Variants in CDKL3 observed in about 807,000 individuals in gnomAD.
CDKL3 encodes the protein cyclin-dependent kinase-like 3.
Under a neutral mutation model 69.3 loss-of-function variants are expected in CDKL3, and 65 were observed. The ratio of observed to expected loss-of-function variants is 0.94; its 90% CI spans 0.77 to 1.15. CDKL3 has a LOEUF of 1.15. CDKL3 is among the 50% of genes most tolerant of loss of function. The probability of loss-of-function intolerance (pLI) is 0.00; values close to 1 mark genes in which losing one functional copy is unlikely to be tolerated. For missense variants in CDKL3, 652 were observed against 689.2 expected, an observed-to-expected ratio of 0.95 and a Z score of 0.61; for synonymous variants, 202 against 221.6, an observed-to-expected ratio of 0.91 and a Z score of 0.79.
At chr5:134,340,981 TA>T (rs1750339290) in intron 4 of CDKL3, among the ~76,000 whole-genome samples, 1 of 152,156 alleles carries the variant, frequency 6.6e-6, no homozygotes, top group Non-Finnish European at 1.5e-5. Context: ...TAAAAGGAAT[TA>T]TGCACTGTGA....
intron 3 of CDKL3, among the ~76,000 whole-genome samples, chr5:134,353,708 C>A (rs934453739): frequency 6.6e-6 from 1 of 151,966 alleles, no homozygotes; most frequent in Non-Finnish European, 1.5e-5. Flanking sequence ...TACGGGCATG[C>A]GCCACCATGC....
intron 8 of CDKL3, among the ~76,000 whole-genome samples, chr5:134,292,317 A>G (rs1327368513): frequency 6.6e-6 from 1 of 152,194 alleles, no homozygotes; most frequent in Admixed American, 6.5e-5. Context: ...TAACAGAAAG[A>G]TATTTGGAAC....
rs1412019244 is a variant in CDKL3, at chr5:134,298,534, T to C, written c.*117A>G. 8.8e-6 allele frequency: 13 copies of C among 1,469,612 alleles called. No individual in the cohort carries two copies. Among genetic ancestry groups the C allele is most frequent in the African/African-American group, 1.4e-5 (1 of 70,556 alleles). 91.0% of individuals were successfully genotyped at this position (1,469,612 alleles called of 1,614,324 possible). On this transcript the variant is annotated 3_prime_UTR_variant, in exon 13 of 13. Coordinates refer to ENST00000265334, the MANE Select transcript of CDKL3 (RefSeq NM_001113575.2). ...TTTGCTAACAAAAAAAGCTGGATGA[T>C]GCTCATGCACATGGATGGCTGTCTT...
chr5:134,338,389 C>A (rs906937992), intron 4 of CDKL3, among the ~76,000 whole-genome samples: 1 of 151,934 alleles, frequency 6.6e-6, no homozygotes, highest in African/African-American at 2.4e-5. Context: ...AAAGGAACAA[C>A]CCTCAAAAAT....
chr5:134,296,890 C>T (rs1422074111), downstream of CDKL3, among the ~76,000 whole-genome samples: 1 of 151,692 alleles, frequency 6.6e-6, no homozygotes, highest in African/African-American at 2.4e-5. Context: ...TAGGAATTTG[C>T]CTGACAGCTC....
intron 5 of CDKL3, 23 bp downstream of exon 5, chr5:134,321,768 C>A: frequency 8.5e-7 from 1 of 1,181,556 alleles, no homozygotes; most frequent in South Asian, 1.3e-5. Flanking sequence ...ACATGTAACT[C>A]ATGTTATTTC....
chr5:134,343,363 G>A (rs1751009708), intron 4 of CDKL3, among the ~76,000 whole-genome samples: 1 of 152,182 alleles, frequency 6.6e-6, no homozygotes, highest in Non-Finnish European at 1.5e-5. Flanking sequence ...ACTCCATCTT[G>A]CTTCTAACCT....
intron 4 of CDKL3, among the ~76,000 whole-genome samples, chr5:134,347,168 A>G (rs1293942257): frequency 6.6e-6 from 1 of 151,888 alleles, no homozygotes; most frequent in African/African-American, 2.4e-5. Context: ...ACTTTTCTGT[A>G]AATCTAAAAT....
At chr5:134,353,747 A>T (rs1260324645) in intron 3 of CDKL3, among the ~76,000 whole-genome samples, 1 of 151,974 alleles carries the variant, frequency 6.6e-6, no homozygotes, top group Non-Finnish European at 1.5e-5. Flanking sequence ...TTTAGTAGAG[A>T]TGGGGTTTCA....
At chr5:134,369,074 C>T (rs147805200), upstream of CDKL3, among the ~76,000 whole-genome samples, 225 of 152,168 alleles carry the variant, frequency 1.5e-3, no homozygotes, top group African/African-American at 5.2e-3. Context: ...AAACTGAGTC[C>T]CTGCCCTCAA....
At chr5:134,300,137 G>A (rs1186085151) in intron 12 of CDKL3, among the ~76,000 whole-genome samples, 1 of 152,092 alleles carries the variant, frequency 6.6e-6, no homozygotes, top group African/African-American at 2.4e-5. Flanking sequence ...TCAGGAGTTC[G>A]AGACCAGCCT....
At chr5:134,327,052 C>G (rs1010847071) in intron 4 of CDKL3, among the ~76,000 whole-genome samples, 6 of 151,912 alleles carry the variant, frequency 3.9e-5, no homozygotes, top group Non-Finnish European at 7.4e-5. Context: ...CCCTCTTCCT[C>G]CAGCTCCCAG....
chr5:134,313,256 G>A (rs574055945), intron 6 of CDKL3, among the ~76,000 whole-genome samples: 61 of 152,060 alleles, frequency 4.0e-4, no homozygotes, highest in African/African-American at 1.3e-3. Flanking sequence ...TTACTCTGTC[G>A]CCCAGGCTGG....
intron 2 of CDKL3, among the ~76,000 whole-genome samples, chr5:134,364,325 C>A (rs962157950): frequency 1.3e-5 from 2 of 152,180 alleles, no homozygotes; most frequent in Non-Finnish European, 2.9e-5. Flanking sequence ...TTCCTCATTT[C>A]TAAAAGCCTA....
At chr5:134,357,261 C>G (rs1328651885) in intron 3 of CDKL3, among the ~76,000 whole-genome samples, 2 of 151,734 alleles carry the variant, frequency 1.3e-5, no homozygotes. Flanking sequence ...CTGACCAACA[C>G]GGTGAAACCC....
chr5:134,327,052 C>A (rs1010847071), intron 4 of CDKL3, among the ~76,000 whole-genome samples: 1 of 151,912 alleles, frequency 6.6e-6, no homozygotes, highest in Non-Finnish European at 1.5e-5. Context: ...CCCTCTTCCT[C>A]CAGCTCCCAG....
chr5:134,296,148 C>T (rs1399134676), downstream of CDKL3, among the ~76,000 whole-genome samples: 3 of 152,116 alleles, frequency 2.0e-5, no homozygotes, highest in African/African-American at 7.2e-5. Flanking sequence ...CTGCCTGCCT[C>T]GGCCTCCCAA....
Position 134,364,856 on chromosome 5 carries a change from G to C in CDKL3, c.165+1503C>G, listed in dbSNP as rs192955172. 5.2e-3 allele frequency among the ~76,000 whole-genome samples: 787 copies of C among 151,340 alleles called. 7 individuals carry two copies. The highest frequency in any genetic ancestry group is 0.018 in the African/African-American group (748 of 41,154). On this transcript the variant is annotated intron_variant, in intron 2 of 12. Coordinates refer to ENST00000265334, the MANE Select transcript of CDKL3 (RefSeq NM_001113575.2). Reference sequence around the variant, plus strand: ...GAGTCTCACTCTGACGCCCAGGCTAGAGTGCAGTGGCGTGATCTCGGCTCA... The same window carrying C: ...GAGTCTCACTCTGACGCCCAGGCTACAGTGCAGTGGCGTGATCTCGGCTCA...
chr5:134,300,552 T>C (rs1213234364), intron 12 of CDKL3, among the ~76,000 whole-genome samples: 1 of 152,140 alleles, frequency 6.6e-6, no homozygotes, highest in Non-Finnish European at 1.5e-5. Flanking sequence ...ATTCTGACAT[T>C]TATTAAAACC....
Sources: gnomAD v4.1 joint callset for allele counts (sites outside exome capture counted in the v4.1 genomes callset) on GRCh38, gnomAD v4.1.1 for gene constraint, MANE v1.5 for transcripts, NCBI Gene and HGNC (gene_info 2026-07-23, HGNC 2026-07-21) for gene names.